SNCAIP: variants seen among roughly 807,000 people sequenced by gnomAD.
The protein encoded by SNCAIP is synuclein alpha interacting protein.
SNCAIP carries 43 observed loss-of-function variants against 86.7 expected under a neutral mutation model. The observed-to-expected ratio is 0.50, with a 90% CI of 0.39 to 0.64. The LOEUF (loss-of-function observed/expected upper bound fraction) is 0.64, where lower values mean the gene tolerates loss of function less well. Ranked by LOEUF, SNCAIP falls within the 30% of genes least tolerant of loss-of-function variation. The pLI is 0.00. For missense variants in SNCAIP, 981 were observed against 1,103.1 expected, an observed-to-expected ratio of 0.89 and a Z score of 1.57; for synonymous variants, 417 against 427.2, an observed-to-expected ratio of 0.98 and a Z score of 0.29.
In SNCAIP at chr5:122,451,149, A is replaced by T; in HGVS notation, c.2302A>T (p.Ser768Cys). The change falls in exon 10 of 11, where the codon AGT (serine) becomes TGT (cysteine). Residue 768 changes from serine (S) to cysteine (C), a missense_variant. Physicochemically the swap from Ser to Cys is moderately radical, Grantham distance 112. Coordinates refer to ENST00000261368, the MANE Select transcript of SNCAIP (RefSeq NM_005460.4). ...DLESQYPGSG[S>C]IPPNQPSGDP... The stretch of plus-strand genomic sequence containing the variant: ...AGAATCCCAGTATCCAGGCTCAGGG[A>T]GTATTCCTCCAAACCAGCCCTCTGG... The T allele has an allele frequency of 1.2e-6, 2 of 1,614,164 alleles. No individual in the cohort carries two copies. The highest frequency in any genetic ancestry group is 1.7e-6 in the Non-Finnish European group (2 of 1,180,026).
At chr5:122,450,057 G>A in intron 9 of SNCAIP, 120 bp downstream of exon 9, 1 of 758,234 alleles carries the variant, frequency 1.3e-6, no homozygotes, top group Non-Finnish European at 2.2e-6. Flanking sequence ...TTCTTATAAA[G>A]AGGAATAAAA....
chr5:122,440,467 G>C (rs1371035042), intron 6 of SNCAIP, 162 bp from the exon 7 acceptor site: 1 of 685,670 alleles, frequency 1.5e-6, no homozygotes, highest in East Asian at 2.7e-5. Context: ...TTCAGTCAGA[G>C]ATTCAAGGAT....
At chr5:122,449,785 C>A (rs1389587135) in intron 8 of SNCAIP, 60 bp from the exon 9 acceptor site, 4 of 1,087,870 alleles carry the variant, frequency 3.7e-6, no homozygotes, top group South Asian at 1.2e-5. Flanking sequence ...ATATTATACA[C>A]CCTAATTTAT....
intron 2 of SNCAIP, among the ~76,000 whole-genome samples, chr5:122,392,482 C>A (rs1769612435): frequency 6.6e-6 from 1 of 151,964 alleles, no homozygotes; most frequent in South Asian, 2.1e-4. Flanking sequence ...AAGCAAGGTT[C>A]TTTTATGATC....
chr5:122,346,360 G>C (rs771864544), intron 1 of SNCAIP, among the ~76,000 whole-genome samples: 1 of 151,920 alleles, frequency 6.6e-6, no homozygotes, highest in Non-Finnish European at 1.5e-5. Context: ...CCTTCTCTTG[G>C]GGACTTTTTT....
chr5:122,451,938 G>A (rs896294200), intron 10 of SNCAIP: 28 of 268,522 alleles, frequency 1.0e-4, no homozygotes, highest in Middle Eastern at 1.3e-3. Flanking sequence ...ACCAATTAGC[G>A]CAAGTTTAGT....
At chr5:122,391,336 G>A (rs1203267320) in intron 2 of SNCAIP, 145 bp downstream of exon 2, 5 of 708,240 alleles carry the variant, frequency 7.1e-6, no homozygotes, top group Non-Finnish European at 1.0e-5. Context: ...GGCAGACTCG[G>A]TGTGGTTTGG....
At chr5:122,449,260 T>G (rs879923322) in intron 8 of SNCAIP, among the ~76,000 whole-genome samples, 2 of 152,176 alleles carry the variant, frequency 1.3e-5, no homozygotes, top group Non-Finnish European at 2.9e-5. Context: ...ATGTAATGTA[T>G]TGACTACTGT....
chr5:122,440,308 T>C (rs1471586476), intron 6 of SNCAIP, among the ~76,000 whole-genome samples: 1 of 152,218 alleles, frequency 6.6e-6, no homozygotes, highest in East Asian at 1.9e-4. Flanking sequence ...AGTTCCAACT[T>C]TGGATCTGTC....
intron 10 of SNCAIP, among the ~76,000 whole-genome samples, chr5:122,455,697 G>C (rs1300651487): frequency 6.6e-6 from 1 of 152,182 alleles, no homozygotes; most frequent in Admixed American, 6.5e-5. Context: ...AGGAAAAATA[G>C]GGACAATAAA....
intron 1 of SNCAIP, among the ~76,000 whole-genome samples, chr5:122,360,539 T>C (rs1352826457): frequency 6.6e-6 from 1 of 152,240 alleles, no homozygotes; most frequent in Non-Finnish European, 1.5e-5. Flanking sequence ...CATAATCTTT[T>C]CTTCACCAGT....
intron 1 of SNCAIP, among the ~76,000 whole-genome samples, chr5:122,329,496 G>C (rs943548202): frequency 1.3e-5 from 2 of 152,068 alleles, no homozygotes; most frequent in Admixed American, 6.5e-5. Flanking sequence ...TAGGGTAGGG[G>C]AAATAGAAAT....
At chr5:122,340,589 C>T (rs529136607) in intron 1 of SNCAIP, among the ~76,000 whole-genome samples, 8 of 152,078 alleles carry the variant, frequency 5.3e-5, no homozygotes, top group South Asian at 2.1e-4. Flanking sequence ...TTGAAGCAAA[C>T]GAATATTTTT....
chr5:122,447,497 A>G (rs1226945757), intron 8 of SNCAIP, among the ~76,000 whole-genome samples: 1 of 131,544 alleles, frequency 7.6e-6, no homozygotes, highest in Non-Finnish European at 1.7e-5. Flanking sequence ...TTACCCCAAA[A>G]TATTTTTCTT....
intron 3 of SNCAIP, among the ~76,000 whole-genome samples, chr5:122,406,277 T>C (rs180943966): frequency 2.0e-5 from 3 of 152,272 alleles, no homozygotes; most frequent in Non-Finnish European, 2.9e-5. Flanking sequence ...TCCCCCTGTC[T>C]TTCTTGTAAA....
chr5:122,357,948 T>C (rs904506780), intron 1 of SNCAIP, among the ~76,000 whole-genome samples: 1 of 152,206 alleles, frequency 6.6e-6, no homozygotes, highest in Non-Finnish European at 1.5e-5. Flanking sequence ...GACAGCCTGT[T>C]TGGTTCATTC....
chr5:122,427,280 C>T (rs567165209), intron 5 of SNCAIP, among the ~76,000 whole-genome samples: 1 of 152,128 alleles, frequency 6.6e-6, no homozygotes, highest in African/African-American at 2.4e-5. Context: ...TAAACACCTT[C>T]TATGATATCC....
intron 1 of SNCAIP, among the ~76,000 whole-genome samples, chr5:122,352,601 T>C (rs1760092985): frequency 6.6e-6 from 1 of 152,248 alleles, no homozygotes. Context: ...AACAAATGTC[T>C]ATTTTTTGTT....
chr5:122,332,475 G>A (rs938618431), intron 1 of SNCAIP, among the ~76,000 whole-genome samples: 1 of 152,208 alleles, frequency 6.6e-6, no homozygotes, highest in African/African-American at 2.4e-5. Context: ...TTGGATACAG[G>A]TGAAGGCGGG....
Sources: gnomAD v4.1 joint callset for allele counts (sites outside exome capture counted in the v4.1 genomes callset) on GRCh38, gnomAD v4.1.1 for gene constraint, MANE v1.5 for transcripts, NCBI Gene and HGNC (gene_info 2026-07-23, HGNC 2026-07-21) for gene names.